The following GPI variants were observed in gnomAD, a reference collection of about 807,000 sequenced individuals.
The protein encoded by GPI is glucose-6-phosphate isomerase.
GPI carries 56 observed loss-of-function variants against 75.8 expected under a neutral mutation model. The ratio of observed to expected loss-of-function variants is 0.74; its 90% CI spans 0.60 to 0.92. The LOEUF (loss-of-function observed/expected upper bound fraction) is 0.92, where lower values mean the gene tolerates loss of function less well. Among genes scored for constraint, GPI ranks in the 40% least tolerant of loss-of-function variants. The pLI is 0.00. For missense variants in GPI, 638 were observed against 741.0 expected, an observed-to-expected ratio of 0.86 and a Z score of 1.61; for synonymous variants, 288 against 285.4, an observed-to-expected ratio of 1.01 and a Z score of -0.09.
At chr19:34,360,661 C>A (rs2145301770), upstream of GPI, among the ~76,000 whole-genome samples, 1 of 152,286 alleles carries the variant, frequency 6.6e-6, no homozygotes, top group Non-Finnish European at 1.5e-5. Context: ...CCTCCACTTT[C>A]CCTCCACCTT....
chr19:34,370,622 G>A lies in GPI; in HGVS notation c.402+1920G>A, dbSNP rs192478065. Reference sequence around the variant, plus strand: ...CACCTGTAATATCAGCTACTGGGGAGGCTGAGGCAGGAGAATCTCTTGAAC... The same window carrying A: ...CACCTGTAATATCAGCTACTGGGGAAGCTGAGGCAGGAGAATCTCTTGAAC... On this transcript the variant is annotated intron_variant, in intron 4 of 17. Coordinates refer to ENST00000356487, the MANE Select transcript of GPI (RefSeq NM_000175.5). Among the ~76,000 whole-genome samples, 294 of 152,204 alleles carry A rather than the reference G, an allele frequency of 1.9e-3. 5 individuals are homozygous for A. The South Asian group carries it at 0.031, about 16-fold the overall frequency.
intron 9 of GPI, among the ~76,000 whole-genome samples, chr19:34,391,053 G>C (rs1024593407): frequency 6.6e-6 from 1 of 152,000 alleles, no homozygotes; most frequent in Non-Finnish European, 1.5e-5. Context: ...GTAGCACCTG[G>C]CACAGATATG....
At chr19:34,385,791 C>T (rs888799529) in intron 9 of GPI, among the ~76,000 whole-genome samples, 5 of 151,936 alleles carry the variant, frequency 3.3e-5, no homozygotes, top group Non-Finnish European at 5.9e-5. Flanking sequence ...GGCACAAGCC[C>T]AGGAGCCAGC....
At chr19:34,364,532 C>T (rs886250456), upstream of GPI, among the ~76,000 whole-genome samples, 2 of 151,892 alleles carry the variant, frequency 1.3e-5, no homozygotes, top group East Asian at 3.9e-4. Context: ...TCACCAGGCC[C>T]GGCTAATTTT....
intron 9 of GPI, among the ~76,000 whole-genome samples, chr19:34,382,689 G>GAGCCAAGC (rs2074673003): frequency 6.6e-6 from 1 of 152,080 alleles, no homozygotes; most frequent in Non-Finnish European, 1.5e-5. Flanking sequence ...GCCAGCCAAG[G>GAGCCAAGC]AGCCAAGCAG....
intron 16 of GPI, 33 bp downstream of exon 16, chr19:34,399,664 G>T: frequency 6.2e-7 from 1 of 1,613,740 alleles, no homozygotes; most frequent in Non-Finnish European, 8.5e-7. Context: ...CTGGCTTGGG[G>T]TAGGTTGGAA....
intron 9 of GPI, among the ~76,000 whole-genome samples, chr19:34,389,838 T>C (rs957199074): frequency 4.6e-5 from 7 of 152,234 alleles, no homozygotes; most frequent in Admixed American, 2.0e-4. Context: ...GGCATGATTA[T>C]TTGATGTACG....
At chr19:34,381,071 C>T (rs2074643347) in intron 8 of GPI, 2 of 342,390 alleles carry the variant, frequency 5.8e-6, no homozygotes. Context: ...GGTAGGTGGC[C>T]CCTGCCCACA....
intron 3 of GPI, chr19:34,367,268 T>C: frequency 2.9e-6 from 1 of 340,966 alleles, no homozygotes; most frequent in Non-Finnish European, 5.8e-6. Context: ...GGGGCCCCTG[T>C]TCCTGACTCA....
At chr19:34,398,740 G>T (rs1303683460) in intron 14 of GPI, 1 of 157,398 alleles carries the variant, frequency 6.4e-6, no homozygotes, top group Non-Finnish European at 1.4e-5. Context: ...TGGAGTCTAG[G>T]TCTGTCGCCC....
chr19:34,370,555 C>G (rs1247192058), intron 4 of GPI, among the ~76,000 whole-genome samples: 5 of 151,918 alleles, frequency 3.3e-5, no homozygotes. Context: ...GCCGTCTGTA[C>G]TAAAAATACA....
chr19:34,392,083 G>T, intron 9 of GPI: 1 of 1,090 alleles, frequency 9.2e-4, no homozygotes, highest in Non-Finnish European at 1.6e-3. Context: ...GTCTGTTAAT[G>T]TCTGAGGAGG....
Position 34,366,693 on chromosome 19 carries a change from T to C in GPI, c.214-90T>C, listed in dbSNP as rs554714757. ...AGACAGCAGCCGTCTGTCTGTCTCA[T>C]TGGGGACAGCACCAAGCCTTGTGTT... On this transcript the variant is annotated intron_variant, in intron 2 of 17. Coordinates refer to ENST00000356487, the MANE Select transcript of GPI (RefSeq NM_000175.5). 121 of 897,174 alleles carry C rather than the reference T, an allele frequency of 1.3e-4. No individual in the cohort carries two copies. In the African/African-American group the frequency reaches 1.6e-3, roughly 11 times the overall value. 55.6% of individuals were successfully genotyped at this position (897,174 alleles called of 1,614,324 possible). A position where few individuals can be genotyped will look rare whatever the true frequency, so the allele number is the denominator to read the frequency against.
upstream of GPI, chr19:34,363,322 AAGG>A (rs2074312309): frequency 6.6e-6 from 1 of 151,228 alleles, no homozygotes; most frequent in South Asian, 2.1e-4. Flanking sequence ...AAAAAAAAAG[AAGG>A]AGGAGTCAGA....
chr19:34,394,893 T>C (rs2074922676), intron 12 of GPI, among the ~76,000 whole-genome samples: 1 of 152,076 alleles, frequency 6.6e-6, no homozygotes, highest in Non-Finnish European at 1.5e-5. Flanking sequence ...TTTGTATTTT[T>C]AGTGGAAACG....
At chr19:34,392,003 G>C (rs946226477) in intron 9 of GPI, among the ~76,000 whole-genome samples, 4 of 36,166 alleles carry the variant, frequency 1.1e-4, no homozygotes, top group Non-Finnish European at 2.5e-4. Flanking sequence ...GTAGGATCTG[G>C]TGCAGGTATA....
At chr19:34,397,062 C>T (rs954161239) in intron 14 of GPI, among the ~76,000 whole-genome samples, 13 of 152,194 alleles carry the variant, frequency 8.5e-5, no homozygotes, top group African/African-American at 2.9e-4. Context: ...CTACCTGCCT[C>T]GGCCTCCCTA....
At chr19:34,366,510 G>C in intron 2 of GPI, 75 bp downstream of exon 2, 1 of 987,800 alleles carries the variant, frequency 1.0e-6, no homozygotes, top group Non-Finnish European at 1.6e-6. Context: ...GGAGTCCCCA[G>C]GACCTTGAGT....
At chr19:34,397,855 A>G (rs776711491) in intron 14 of GPI, 2 of 149,160 alleles carry the variant, frequency 1.3e-5, no homozygotes, top group Non-Finnish European at 3.0e-5. Context: ...CTACTAGATA[A>G]TCCAGGAAAA....
Sources: gnomAD v4.1 joint callset for allele counts (sites outside exome capture counted in the v4.1 genomes callset) on GRCh38, gnomAD v4.1.1 for gene constraint, MANE v1.5 for transcripts, NCBI Gene and HGNC (gene_info 2026-07-23, HGNC 2026-07-21) for gene names.